Variants in RBFOX2 observed in about 807,000 individuals in gnomAD.
The protein encoded by RBFOX2 is RNA binding protein fox-1 homolog 2.
RBFOX2 carries 10 observed loss-of-function variants against 49.1 expected under a neutral mutation model. The ratio of observed to expected loss-of-function variants is 0.20; its 90% CI spans 0.13 to 0.35. The LOEUF (loss-of-function observed/expected upper bound fraction) is 0.35. Ranked by LOEUF, RBFOX2 falls within the 10% of genes least tolerant of loss-of-function variation. The probability of loss-of-function intolerance (pLI) is 1.00; values close to 1 mark genes in which losing one functional copy is unlikely to be tolerated. For synonymous variants in RBFOX2, 183 were observed against 187.4 expected, an observed-to-expected ratio of 0.98 and a Z score of 0.19; for missense variants, 323 against 486.9, an observed-to-expected ratio of 0.66 and a Z score of 3.17.
intron 10 of RBFOX2, 80 bp downstream of exon 12, chr22:35,746,393 T>C (rs974265127): frequency 8.7e-6 from 11 of 1,271,214 alleles, no homozygotes; most frequent in Non-Finnish European, 1.1e-5. Context: ...GTGGAAATGG[T>C]GAAGGGAGGA....
chr22:35,792,253 T>A (rs1947836297), intron 2 of RBFOX2, among the ~76,000 whole-genome samples: 1 of 144,900 alleles, frequency 6.9e-6, no homozygotes, highest in African/African-American at 2.6e-5. Context: ...GAGGTGGAGG[T>A]TGCAGTGAGC....
intron 1 of RBFOX2, among the ~76,000 whole-genome samples, chr22:35,957,405 G>T (rs1048556720): frequency 3.3e-5 from 5 of 152,140 alleles, no homozygotes; most frequent in African/African-American, 1.2e-4. Flanking sequence ...GACCCATAGG[G>T]ATCATCTAAT....
intron 1 of RBFOX2, among the ~76,000 whole-genome samples, chr22:35,932,434 A>G (rs540127224): frequency 6.6e-6 from 1 of 152,226 alleles, no homozygotes; most frequent in Non-Finnish European, 1.5e-5. Flanking sequence ...ATTTAAATCT[A>G]TAATTGTCTA....
upstream of RBFOX2, chr22:35,961,712 G>A (rs940444347): frequency 2.3e-6 from 3 of 1,291,868 alleles, no homozygotes; most frequent in Non-Finnish European, 3.1e-6. Context: ...TGGCTTCATG[G>A]AGCAGGATAC....
intron 1 of RBFOX2, among the ~76,000 whole-genome samples, chr22:35,919,490 G>C (rs934653385): frequency 4.2e-4 from 63 of 151,608 alleles, no homozygotes; most frequent in East Asian, 2.7e-3. Flanking sequence ...CCGAGATCAT[G>C]CTACTGCACT....
upstream of RBFOX2, chr22:35,939,063 C>G: frequency 1.4e-6 from 1 of 716,926 alleles, no homozygotes; most frequent in Non-Finnish European, 2.5e-6. Flanking sequence ...CGTTAAGCCT[C>G]TACACTGGCA....
At chr22:35,952,674 T>C (rs2055083040) in intron 1 of RBFOX2, among the ~76,000 whole-genome samples, 2 of 152,244 alleles carry the variant, frequency 1.3e-5, no homozygotes, top group Non-Finnish European at 2.9e-5. Flanking sequence ...ACTTCCTCTT[T>C]ACTTTCCCTG....
In RBFOX2 at chr22:35,983,144, T is replaced by C. The variant is rs1057208176; in HGVS notation, c.187-44247A>G. Among the ~76,000 whole-genome samples the C allele has an allele frequency of 2.6e-5, 4 of 152,314 alleles. No homozygotes were observed. The East Asian group carries it at 7.7e-4, about 29-fold the overall frequency. On this transcript the variant is annotated intron_variant, in intron 1 of 13. Transcript: ENST00000438146. ...ATTATGGTAGACTTCACCTGGGTGATGAATGTAGCTATCAACTTTTCAACA... is the reference window on the plus strand; with the variant it reads ...ATTATGGTAGACTTCACCTGGGTGACGAATGTAGCTATCAACTTTTCAACA...
At chr22:35,901,076 C>A (rs2048509375) in intron 1 of RBFOX2, among the ~76,000 whole-genome samples, 1 of 152,224 alleles carries the variant, frequency 6.6e-6, no homozygotes, top group Non-Finnish European at 1.5e-5. Flanking sequence ...TATCTCATTG[C>A]ATCTTCACAA....
At chr22:35,843,512 C>T (rs2040783147), upstream of RBFOX2, among the ~76,000 whole-genome samples, 1 of 152,098 alleles carries the variant, frequency 6.6e-6, no homozygotes, top group South Asian at 2.1e-4. Flanking sequence ...TGAAATTTAC[C>T]TTACTGAAGT....
At chr22:36,025,972 A>AATGT (rs1281699798) in intron 1 of RBFOX2, among the ~76,000 whole-genome samples, 1 of 152,064 alleles carries the variant, frequency 6.6e-6, no homozygotes, top group Non-Finnish European at 1.5e-5. Flanking sequence ...CAACAATGGG[A>AATGT]ATGTATAGAA....
intron 1 of RBFOX2, among the ~76,000 whole-genome samples, chr22:35,916,853 A>C (rs2050475673): frequency 6.6e-6 from 1 of 151,842 alleles, no homozygotes; most frequent in Admixed American, 6.6e-5. Context: ...CCTGGGAGAC[A>C]CAGAGAGACT....
At chr22:35,799,038 C>A (rs1238421964) in intron 2 of RBFOX2, among the ~76,000 whole-genome samples, 1 of 152,156 alleles carries the variant, frequency 6.6e-6, no homozygotes, top group African/African-American at 2.4e-5. Context: ...TATAAGCCTT[C>A]CCCACCACTA....
chr22:35,810,012 A>G lies in RBFOX2; in HGVS notation c.28-8T>C. The stretch of plus-strand genomic sequence containing the variant: ...TGTCGGCTCCTGGTTACCCTAAAAC[A>G]AACAACAAGAGAAAGAAAAAGTGAC... On this transcript the variant is annotated splice_region_variant and splice_polypyrimidine_tract_variant and intron_variant, in intron 1 of 11. Coordinates refer to ENST00000405409, the Ensembl canonical transcript of RBFOX2. 6.2e-7 allele frequency: 1 copy of G among 1,613,342 alleles called. No individual in the cohort carries two copies. Among genetic ancestry groups the G allele is most frequent in the Non-Finnish European group, 8.5e-7 (1 of 1,179,530 alleles).
intron 1 of RBFOX2, chr22:35,992,779 A>C (rs1197889128): frequency 6.6e-6 from 1 of 152,192 alleles, no homozygotes; most frequent in Middle Eastern, 3.2e-3. Context: ...AAACAGCTAC[A>C]AGATGAAGGT....
intron 5 of RBFOX2, among the ~76,000 whole-genome samples, chr22:35,767,126 A>AGT (rs1443255361): frequency 1.3e-5 from 2 of 152,100 alleles, no homozygotes; most frequent in African/African-American, 2.4e-5. Flanking sequence ...GAAAAAAATC[A>AGT]CCATGAAGTC....
chr22:35,800,725 T>C (rs548191340), intron 2 of RBFOX2, among the ~76,000 whole-genome samples: 139 of 152,238 alleles, frequency 9.1e-4, no homozygotes, highest in Non-Finnish European at 1.5e-3. Flanking sequence ...CAAGAAGCAT[T>C]TACTGAGTTC....
chr22:35,941,929 C>T (rs901880080), upstream of RBFOX2, among the ~76,000 whole-genome samples: 6 of 152,176 alleles, frequency 3.9e-5, no homozygotes, highest in African/African-American at 1.4e-4. Flanking sequence ...ATATATCTGT[C>T]TCTTACAAAT....
chr22:35,990,965 G>A (rs866277866), intron 1 of RBFOX2, among the ~76,000 whole-genome samples: 7 of 151,874 alleles, frequency 4.6e-5, no homozygotes, highest in Non-Finnish European at 1.0e-4. Context: ...AAGGAACACC[G>A]AAACACCCAC....
Sources: gnomAD v4.1 joint callset for allele counts (sites outside exome capture counted in the v4.1 genomes callset) on GRCh38, gnomAD v4.1.1 for gene constraint, MANE v1.5 for transcripts, NCBI Gene and HGNC (gene_info 2026-07-23, HGNC 2026-07-21) for gene names.